CFAP299: variants seen among roughly 807,000 people sequenced by gnomAD.
CFAP299 encodes cilia- and flagella-associated protein 299.
Under a neutral mutation model 27.0 loss-of-function variants are expected in CFAP299, and 21 were observed. The observed-to-expected ratio is 0.78, with a 90% CI of 0.55 to 1.12. The LOEUF (loss-of-function observed/expected upper bound fraction) is 1.12. CFAP299 is among the 50% of genes most tolerant of loss of function. CFAP299 has a pLI of 0.00. For synonymous variants in CFAP299, 104 were observed against 98.1 expected (o/e 1.06, Z -0.36); for missense variants, 310 against 276.6 (o/e 1.12, Z -0.86).
intron 3 of CFAP299, among the ~76,000 whole-genome samples, chr4:80,594,574 T>G (rs1736959584): frequency 6.6e-6 from 1 of 152,246 alleles, no homozygotes. Context: ...TCTTGCTTTA[T>G]ATGTCATTTT....
At chr4:80,449,170 G>A (rs1728777628) in intron 2 of CFAP299, among the ~76,000 whole-genome samples, 1 of 152,050 alleles carries the variant, frequency 6.6e-6, no homozygotes, top group Admixed American at 6.6e-5. Context: ...TTCAATAATG[G>A]CATGGAGAGT....
intron 3 of CFAP299, among the ~76,000 whole-genome samples, chr4:80,856,814 G>C (rs1257036367): frequency 6.6e-6 from 1 of 152,042 alleles, no homozygotes; most frequent in Non-Finnish European, 1.5e-5. Context: ...TAGCCTTGTA[G>C]TATAGTTTGA....
At position 80,695,517 on chromosome 4, in the gene CFAP299, A is replaced by G. The variant is rs143284527; in HGVS notation, c.333+112334A>G. On this transcript the variant is annotated intron_variant, in intron 3 of 5. Transcript: ENST00000358105. ...CCCGAATGGATGTGGGCTTTTGTGT[A>G]AACATTGTTTGTATTGTTTCCCACC... Among the ~76,000 whole-genome samples, 12 of 152,290 alleles carry G rather than the reference A, an allele frequency of 7.9e-5. No individual in the cohort carries two copies. In the East Asian group the frequency reaches 2.3e-3, roughly 29 times the overall value.
intron 3 of CFAP299, among the ~76,000 whole-genome samples, chr4:80,725,838 T>C (rs1265607674): frequency 1.3e-5 from 2 of 152,180 alleles, no homozygotes; most frequent in African/African-American, 4.8e-5. Context: ...AACTTCATTA[T>C]ACTTTTGTAG....
chr4:80,745,402 G>A (rs570332670), intron 3 of CFAP299, among the ~76,000 whole-genome samples: 1 of 152,230 alleles, frequency 6.6e-6, no homozygotes, highest in South Asian at 2.1e-4. Context: ...AGCTTGGAAT[G>A]TTGCACATGG....
chr4:80,703,350 G>A (rs77372303), intron 3 of CFAP299, among the ~76,000 whole-genome samples: 10,391 of 151,570 alleles, frequency 0.069, 506 homozygotes, highest in East Asian at 0.22. Flanking sequence ...CTAGATTATC[G>A]AAATGACACT....
intron 3 of CFAP299, among the ~76,000 whole-genome samples, chr4:80,597,402 A>G (rs946105277): frequency 6.6e-6 from 1 of 151,982 alleles, no homozygotes; most frequent in African/African-American, 2.4e-5. Flanking sequence ...CTATTTTTCT[A>G]CTGTATCTTT....
chr4:80,669,197 G>T (rs1427470433), intron 3 of CFAP299, among the ~76,000 whole-genome samples: 4 of 90,224 alleles, frequency 4.4e-5, no homozygotes, highest in African/African-American at 2.1e-4. Context: ...GTCTTACTCT[G>T]TTGGCCAGGC....
chr4:80,647,347 T>C (rs1740076346), intron 3 of CFAP299, among the ~76,000 whole-genome samples: 1 of 152,196 alleles, frequency 6.6e-6, no homozygotes, highest in Non-Finnish European at 1.5e-5. Context: ...CTTGCCATTG[T>C]AGTCATTTGA....
chr4:80,606,918 T>G (rs983995826), intron 3 of CFAP299, among the ~76,000 whole-genome samples: 5 of 152,224 alleles, frequency 3.3e-5, no homozygotes, highest in African/African-American at 1.2e-4. Flanking sequence ...CAGGCTACTT[T>G]TGCATTTAAA....
chr4:80,913,657 T>A (rs1189274779), intron 4 of CFAP299, among the ~76,000 whole-genome samples: 1 of 152,236 alleles, frequency 6.6e-6, no homozygotes, highest in Non-Finnish European at 1.5e-5. Context: ...GGGATTTCCC[T>A]AATTTGGCAT....
At chr4:80,946,058 C>T (rs1333616839) in intron 5 of CFAP299, among the ~76,000 whole-genome samples, 2 of 143,944 alleles carry the variant, frequency 1.4e-5, no homozygotes, top group East Asian at 4.1e-4. Context: ...CAGGCTGAGG[C>T]AGGAGAATGG....
intron 3 of CFAP299, among the ~76,000 whole-genome samples, chr4:80,779,152 G>A (rs976879087): frequency 3.0e-4 from 45 of 152,038 alleles, no homozygotes; most frequent in African/African-American, 9.9e-4. Flanking sequence ...CTTGTATCAC[G>A]TAGCAAACTA....
intron 4 of CFAP299, among the ~76,000 whole-genome samples, chr4:80,936,331 C>T (rs2110223291): frequency 6.6e-6 from 1 of 152,160 alleles, no homozygotes; most frequent in East Asian, 1.9e-4. Flanking sequence ...GATATAAATG[C>T]ATGTGTATGT....
intron 3 of CFAP299, among the ~76,000 whole-genome samples, chr4:80,623,270 GACA>G (rs1294550020): frequency 1.5e-5 from 2 of 130,808 alleles, no homozygotes; most frequent in Non-Finnish European, 3.0e-5. Context: ...TGTTAAGAAA[GACA>G]ACTATACCAG....
chr4:80,817,691 G>T (rs1252535384), intron 3 of CFAP299, among the ~76,000 whole-genome samples: 1 of 151,382 alleles, frequency 6.6e-6, no homozygotes, highest in African/African-American at 2.4e-5. Flanking sequence ...ATTATTTCTT[G>T]TTCAAAAGCA....
rs185172346 is a variant in CFAP299, at chr4:80,803,824, G to A, written c.334-66169G>A. ...AGGTACACATAACATACAATTTGCC[G>A]TCTTAATTATTTTTCAGAGTATAGT... On this transcript the variant is annotated intron_variant, in intron 3 of 5. Transcript: ENST00000358105. Among the ~76,000 whole-genome samples, 399 of 151,550 alleles carry A rather than the reference G, an allele frequency of 2.6e-3. 1 individual carries two copies. The highest frequency in any genetic ancestry group is 8.7e-3 in the African/African-American group (361 of 41,352).
intron 3 of CFAP299, among the ~76,000 whole-genome samples, chr4:80,644,098 A>G (rs565617020): frequency 5.9e-5 from 9 of 152,292 alleles, no homozygotes; most frequent in Admixed American, 1.3e-4. Flanking sequence ...TTCAATCTAT[A>G]TATGTTATAC....
In CFAP299 at chr4:80,503,305, ACT is replaced by A. The variant is rs576538562; in HGVS notation, c.243-79785_243-79784del. ...CATATATTATAAGTGCATATTCAAG[ACT>A]CTGATTTGTTGTCTTCTATTCTCTT... On this transcript the variant is annotated intron_variant, in intron 2 of 5. Transcript: ENST00000358105. 7.8e-4 allele frequency among the ~76,000 whole-genome samples: 119 copies of A among 151,734 alleles called. 1 individual carries two copies. Among genetic ancestry groups the A allele is most frequent in the African/African-American group, 2.8e-3 (116 of 41,402 alleles).
Sources: gnomAD v4.1 joint callset for allele counts (sites outside exome capture counted in the v4.1 genomes callset) on GRCh38, gnomAD v4.1.1 for gene constraint, MANE v1.5 for transcripts, NCBI Gene and HGNC (gene_info 2026-07-23, HGNC 2026-07-21) for gene names.